The following DERA variants were observed in gnomAD, a reference collection of about 807,000 sequenced individuals.
The protein encoded by DERA is deoxyribose-phosphate aldolase.
A neutral mutation model predicts 41.1 loss-of-function variants in DERA; 15 were observed. The ratio of observed to expected loss-of-function variants is 0.37; its 90% CI spans 0.24 to 0.56. The LOEUF (loss-of-function observed/expected upper bound fraction) is 0.56. Among genes scored for constraint, DERA ranks in the 20% least tolerant of loss-of-function variants. The pLI is 0.81. For missense variants in DERA, 396 were observed against 403.4 expected (o/e 0.98, Z 0.16); for synonymous variants, 139 against 137.4 (o/e 1.01, Z -0.08).
At chr12:15,925,666 T>G (rs1319911845) in intron 1 of DERA, among the ~76,000 whole-genome samples, 2 of 152,136 alleles carry the variant, frequency 1.3e-5, no homozygotes, top group African/African-American at 4.8e-5. Context: ...AATTGCCTAG[T>G]ATCATCTCCT....
rs1948815125 is a variant in DERA, at chr12:15,993,438, A to G, written c.637+11002A>G. Among the ~76,000 whole-genome samples, 1 of 151,474 alleles carries G rather than the reference A, an allele frequency of 6.6e-6. No individual in the cohort carries two copies. Among genetic ancestry groups the G allele is most frequent in the Non-Finnish European group, 1.5e-5 (1 of 67,908 alleles). ...GCAAGTCTTTGTATACTCAAGGAGTATTGATCCAGATGGCACATCTAGACT... is the reference window on the plus strand; with the variant it reads ...GCAAGTCTTTGTATACTCAAGGAGTGTTGATCCAGATGGCACATCTAGACT... On this transcript the variant is annotated intron_variant, in intron 6 of 8. Transcript: ENST00000428559. The surrounding 1 kb of genome is among the most constrained non-coding windows in gnomAD (Gnocchi z 4.4).
Position 15,916,702 on chromosome 12 carries a change from C to T in DERA, c.31+5288C>T, listed in dbSNP as rs370353385. On this transcript the variant is annotated intron_variant, in intron 1 of 8. Transcript: ENST00000428559. Reference sequence around the variant, plus strand: ...TTGACCTCAGGTGATCCACCTGCCTCGGCCTCCCAAAGTACTGGGATTACA... The same window carrying T: ...TTGACCTCAGGTGATCCACCTGCCTTGGCCTCCCAAAGTACTGGGATTACA... 2.1e-4 allele frequency among the ~76,000 whole-genome samples: 32 copies of T among 152,238 alleles called. No individual in the cohort carries two copies. The East Asian group carries it at 3.7e-3, about 17-fold the overall frequency.
chr12:15,923,017 C>CTTTTTTTTTTTT (rs1208644862), intron 1 of DERA, among the ~76,000 whole-genome samples: 1 of 104,428 alleles, frequency 9.6e-6, no homozygotes, highest in Admixed American at 1.2e-4. Flanking sequence ...TTTGTTTTTG[C>CTTTTTTTTTTTT]TTTTTTTTTT....
chr12:16,020,312 T>C lies in DERA; in HGVS notation c.638-12230T>C, dbSNP rs1949009931. 6.6e-6 allele frequency among the ~76,000 whole-genome samples: 1 copy of C among 152,098 alleles called. No homozygotes were observed. The highest frequency in any genetic ancestry group is 1.5e-5 in the Non-Finnish European group (1 of 68,014). Reference sequence around the variant, plus strand: ...GAGGAGGGGAGGTGCTACACACTTTTAAACCACCAGATCTCATATTAACTC... The same window carrying C: ...GAGGAGGGGAGGTGCTACACACTTTCAAACCACCAGATCTCATATTAACTC... On this transcript the variant is annotated intron_variant, in intron 6 of 8. Coordinates refer to ENST00000428559, the MANE Select transcript of DERA (RefSeq NM_015954.4). This position sits in a 1 kb window ranked among gnomAD's most constrained non-coding sequence, Gnocchi z 5.5.
At chr12:16,033,443 CAT>C (rs750806357) in intron 7 of DERA, among the ~76,000 whole-genome samples, 21 of 152,034 alleles carry the variant, frequency 1.4e-4, no homozygotes, top group Non-Finnish European at 2.4e-4. Context: ...TTTTTTGAAA[CAT>C]ATGAAGTTAA....
Position 15,976,395 on chromosome 12 carries a change from T to A in DERA, c.509-5913T>A, listed in dbSNP as rs547902404. Among the ~76,000 whole-genome samples the A allele has an allele frequency of 3.9e-5, 6 of 152,334 alleles. No homozygotes were observed. The highest frequency in any genetic ancestry group is 1.5e-5 in the Non-Finnish European group (1 of 68,036). Reference sequence around the variant, plus strand: ...GACCTTCACTTTCCCCAGAGCTGACTGCACGTCCCCCTCACCTCGCCTCCA... The same window carrying A: ...GACCTTCACTTTCCCCAGAGCTGACAGCACGTCCCCCTCACCTCGCCTCCA... On this transcript the variant is annotated intron_variant, in intron 5 of 8. Transcript: ENST00000428559. This position sits in a 1 kb window ranked among gnomAD's most constrained non-coding sequence, Gnocchi z 4.1.
chr12:15,948,624 T>A (rs999582923), intron 1 of DERA, among the ~76,000 whole-genome samples: 3 of 152,190 alleles, frequency 2.0e-5, no homozygotes, highest in Non-Finnish European at 4.4e-5. Flanking sequence ...AAGGTTTTTA[T>A]CTTCTTTGCG....
rs1351285477 is a variant in DERA at position 15,935,909 on chromosome 12, G to C, written c.32-21027G>C. Among the ~76,000 whole-genome samples the C allele has an allele frequency of 1.3e-5, 2 of 152,200 alleles. No individual in the cohort carries two copies. Among genetic ancestry groups the C allele is most frequent in the African/African-American group, 4.8e-5 (2 of 41,446 alleles). ...TGGCCCAGGCAGCCATCACCTGAAG[G>C]TTTGGCTGGAGCTAGAGGATCTGAT... is the stretch of plus-strand genomic sequence containing the variant. On this transcript the variant is annotated intron_variant, in intron 1 of 8. Transcript: ENST00000428559. This position sits in a 1 kb window ranked among gnomAD's most constrained non-coding sequence, Gnocchi z 4.8.
rs1054034025 is a variant in DERA at position 15,984,884 on chromosome 12, T to C, written c.637+2448T>C. ...TTTATATTCTTGTCCCAATTTTATA[T>C]GTAACTTGCACAAACTAATCTCCCC... is the stretch of plus-strand genomic sequence containing the variant. On this transcript the variant is annotated intron_variant, in intron 6 of 8. Coordinates refer to ENST00000428559, the MANE Select transcript of DERA (RefSeq NM_015954.4). The surrounding 1 kb of genome is among the most constrained non-coding windows in gnomAD (Gnocchi z 4.5). 1.6e-4 allele frequency among the ~76,000 whole-genome samples: 25 copies of C among 152,254 alleles called. No individual in the cohort carries two copies. Among genetic ancestry groups the C allele is most frequent in the African/African-American group, 6.0e-4 (25 of 41,474 alleles).
Position 16,011,371 on chromosome 12 carries a change from G to A in DERA, c.638-21171G>A, listed in dbSNP as rs544007917. 2.6e-5 allele frequency among the ~76,000 whole-genome samples: 4 copies of A among 152,072 alleles called. No homozygotes were observed. The highest frequency in any genetic ancestry group is 4.8e-5 in the African/African-American group (2 of 41,466). On this transcript the variant is annotated intron_variant, in intron 6 of 8. Transcript: ENST00000428559. This position sits in a 1 kb window ranked among gnomAD's most constrained non-coding sequence, Gnocchi z 4.7. The stretch of plus-strand genomic sequence containing the variant: ...TGGATTTTGGATTTTTTCAGATTTC[G>A]GAATATTTGCATATGCTTACCCTAA...
intron 6 of DERA, among the ~76,000 whole-genome samples, chr12:15,986,336 A>G (rs1464925115): frequency 2.0e-5 from 3 of 152,064 alleles, no homozygotes; most frequent in Non-Finnish European, 4.4e-5. Context: ...CATGTAATTG[A>G]TATAGTAGGA....
rs770940164 is a variant in DERA, at chr12:15,922,206, G to A, written c.31+10792G>A. On this transcript the variant is annotated intron_variant, in intron 1 of 8. Coordinates refer to ENST00000428559, the MANE Select transcript of DERA (RefSeq NM_015954.4). This position sits in a 1 kb window ranked among gnomAD's most constrained non-coding sequence, Gnocchi z 4.9. ...TTTTAAAATATCCCCGGGGAAGTAC[G>A]CTGCCTTATTCTTGTCAAGGAAAGC... is the stretch of plus-strand genomic sequence containing the variant. Among the ~76,000 whole-genome samples, 1 of 152,106 alleles carries A rather than the reference G, an allele frequency of 6.6e-6. No homozygotes were observed. The highest frequency in any genetic ancestry group is 1.5e-5 in the Non-Finnish European group (1 of 68,020).
rs1948518580 is a variant in DERA, at chr12:15,954,014, C to G, written c.32-2922C>G. On this transcript the variant is annotated intron_variant, in intron 1 of 8. Transcript: ENST00000428559. This position sits in a 1 kb window ranked among gnomAD's most constrained non-coding sequence, Gnocchi z 4.0. ...GGCTGATACTGTGAGAGAAGAAATCCTATTACATTCTCCAGTAGATGGTTT... is the reference window on the plus strand; with the variant it reads ...GGCTGATACTGTGAGAGAAGAAATCGTATTACATTCTCCAGTAGATGGTTT... 1.3e-5 allele frequency among the ~76,000 whole-genome samples: 2 copies of G among 152,142 alleles called. No individual in the cohort carries two copies.
At chr12:16,029,403 G>C (rs1949075400) in intron 6 of DERA, among the ~76,000 whole-genome samples, 1 of 151,522 alleles carries the variant, frequency 6.6e-6, no homozygotes, top group Non-Finnish European at 1.5e-5. Flanking sequence ...CTCCAGCCTG[G>C]GTGACAGAGC....
chr12:15,988,300 C>G lies in DERA; in HGVS notation c.637+5864C>G, dbSNP rs1592036818. Among the ~76,000 whole-genome samples, 1 of 152,126 alleles carries G rather than the reference C, an allele frequency of 6.6e-6. No individual in the cohort carries two copies. Among genetic ancestry groups the G allele is most frequent in the Non-Finnish European group, 1.5e-5 (1 of 68,022 alleles). On this transcript the variant is annotated intron_variant, in intron 6 of 8. Transcript: ENST00000428559. This position sits in a 1 kb window ranked among gnomAD's most constrained non-coding sequence, Gnocchi z 6.0. ...CATTTGGTGGGTCCTGAGTTCTTGT[C>G]CTGTGTCCAGGAAGAAAGAAGTACT...
rs1353881355 is a variant in DERA at position 15,940,844 on chromosome 12, C to CT, written c.32-16087dup. Among the ~76,000 whole-genome samples, 1 of 152,076 alleles carries CT rather than the reference C, an allele frequency of 6.6e-6. No homozygotes were observed. Among genetic ancestry groups the CT allele is most frequent in the Non-Finnish European group, 1.5e-5 (1 of 68,018 alleles). ...TAATTTTTTGAGGTAGATACCGATGCTTTTTAGCAGATTTAGGTCATCCTG... is the reference window on the plus strand; with the variant it reads ...TAATTTTTTGAGGTAGATACCGATGCTTTTTTAGCAGATTTAGGTCATCCTG... On this transcript the variant is annotated intron_variant, in intron 1 of 8. Coordinates refer to ENST00000428559, the MANE Select transcript of DERA (RefSeq NM_015954.4). This position sits in a 1 kb window ranked among gnomAD's most constrained non-coding sequence, Gnocchi z 5.1.
intron 7 of DERA, among the ~76,000 whole-genome samples, chr12:16,033,288 G>C (rs1367609777): frequency 6.6e-6 from 1 of 152,234 alleles, no homozygotes; most frequent in Non-Finnish European, 1.5e-5. Context: ...TGAAACAGCA[G>C]GGAAAAGGTA....
rs563269445 is a variant in DERA at position 15,927,781 on chromosome 12, A to G, written c.31+16367A>G. Among the ~76,000 whole-genome samples, 436 of 152,304 alleles carry G rather than the reference A, an allele frequency of 2.9e-3. 1 individual carries two copies. Among genetic ancestry groups the G allele is most frequent in the African/African-American group, 1.0e-2 (415 of 41,578 alleles). On this transcript the variant is annotated intron_variant, in intron 1 of 8. Transcript: ENST00000428559. ...ATTATTCATATAACCTTCACATTCC[A>G]TATACAACTAGCTGCTAATTATCTG...
At chr12:15,975,524 C>T (rs76492824) in intron 5 of DERA, among the ~76,000 whole-genome samples, 4,451 of 152,292 alleles carry the variant, frequency 0.029, 221 homozygotes, top group African/African-American at 0.1. Context: ...GTTAGTTCTA[C>T]AAAGGCAGTC....
Sources: gnomAD v4.1 joint callset for allele counts (sites outside exome capture counted in the v4.1 genomes callset) on GRCh38, gnomAD v4.1.1 for gene constraint, Gnocchi (gnomAD v3.1) non-coding constraint, MANE v1.5 for transcripts, NCBI Gene and HGNC (gene_info 2026-07-23, HGNC 2026-07-21) for gene names.